The following CHIC1 variants were observed in gnomAD, a reference collection of about 807,000 sequenced individuals.
CHIC1 encodes the protein cysteine rich hydrophobic domain 1, also known as cysteine-rich hydrophobic domain-containing protein 1.
Under a neutral mutation model 18.5 loss-of-function variants are expected in CHIC1, and 7 were observed. The ratio of observed to expected loss-of-function variants is 0.38; its 90% CI spans 0.22 to 0.71. The LOEUF (loss-of-function observed/expected upper bound fraction) is 0.71. CHIC1 is among the 30% of genes least tolerant of loss of function. The pLI, the probability that CHIC1 is intolerant of heterozygous loss-of-function variation, is 0.49. For synonymous variants in CHIC1, 77 were observed against 73.5 expected (o/e 1.05, Z -0.25); for missense variants, 159 against 176.9 (o/e 0.90, Z 0.57).
At chrX:73,600,135 G>T (rs2057636272) in intron 3 of CHIC1, among the ~76,000 whole-genome samples, 1 of 100,492 alleles carries the variant, frequency 1.0e-5, no homozygotes, top group African/African-American at 4.0e-5. Flanking sequence ...CTCTCTGTTT[G>T]TCTGTTTTTG....
At chrX:73,577,795 C>G (rs751421965) in intron 2 of CHIC1, among the ~76,000 whole-genome samples, 1 of 109,913 alleles carries the variant, frequency 9.1e-6, no homozygotes, top group East Asian at 2.8e-4. Flanking sequence ...ATTTTTTTAA[C>G]TGTATCACTC....
rs2058097323 is a variant in CHIC1, at chrX:73,681,102, T to G, written c.*97T>G. 4 of 501,371 alleles carry G rather than the reference T, an allele frequency of 8.0e-6. No homozygotes were observed. Among genetic ancestry groups the G allele is most frequent in the Non-Finnish European group, 1.3e-5 (4 of 300,317 alleles). The allele number at this position is 501,371 out of a possible 1,213,427, so 41.3% of individuals were successfully genotyped here. A position where few individuals can be genotyped will look rare whatever the true frequency, so the allele number is the denominator to read the frequency against. ...GATGGTCTCCTTTGCTGTGTTCAAC[T>G]TATTCTTTATAATGGTAGAATATTC... On this transcript the variant is annotated 3_prime_UTR_variant, in exon 6 of 6. Coordinates refer to ENST00000373502, the MANE Select transcript of CHIC1 (RefSeq NM_001039840.4).
intron 3 of CHIC1, among the ~76,000 whole-genome samples, chrX:73,602,245 C>G (rs1174749629): frequency 1.8e-5 from 2 of 109,272 alleles, no homozygotes; most frequent in Non-Finnish European, 3.8e-5. Context: ...GATACCAAAG[C>G]TGGTTTCTGT....
At chrX:73,609,353 C>T (rs750501624) in intron 3 of CHIC1, among the ~76,000 whole-genome samples, 2 of 108,063 alleles carry the variant, frequency 1.9e-5, no homozygotes, top group South Asian at 7.7e-4. Flanking sequence ...CATGTATGGC[C>T]TTTATCATGT....
intron 2 of CHIC1, among the ~76,000 whole-genome samples, chrX:73,582,133 T>C: frequency 9.1e-6 from 1 of 110,117 alleles, no homozygotes; most frequent in Non-Finnish European, 1.9e-5. Context: ...TCTGTGTTTG[T>C]ACTTACTTTT....
At chrX:73,630,953 C>T (rs1233284917) in intron 3 of CHIC1, among the ~76,000 whole-genome samples, 4 of 111,217 alleles carry the variant, frequency 3.6e-5, no homozygotes, top group East Asian at 5.6e-4. Flanking sequence ...TGTTTCTTCA[C>T]GGTTAGTCTT....
rs1399934703 is a variant in CHIC1, at chrX:73,599,663, G to C, written c.507+15091G>C. Among the ~76,000 whole-genome samples, 10 of 102,390 alleles carry C rather than the reference G, an allele frequency of 9.8e-5. 2 individuals are homozygous for C. The highest frequency in any genetic ancestry group is 4.0e-4 in the African/African-American group (10 of 25,284). 88.9% of individuals were successfully genotyped at this position (102,390 alleles called of 115,157 possible). ...GTTGTAGATATGCGGCGTTATTTCTGAGGGCTCTGTTCTGTTCCATTGATC... is the reference window on the plus strand; with the variant it reads ...GTTGTAGATATGCGGCGTTATTTCTCAGGGCTCTGTTCTGTTCCATTGATC... On this transcript the variant is annotated intron_variant, in intron 3 of 5. Transcript: ENST00000373502.
At chrX:73,641,211 T>G (rs1401659613) in intron 3 of CHIC1, among the ~76,000 whole-genome samples, 1 of 111,296 alleles carries the variant, frequency 9.0e-6, no homozygotes. Flanking sequence ...AGATTGTGGT[T>G]GGTATGATTT....
In CHIC1 at chrX:73,584,379, G is replaced by C. The variant is rs377052785; in HGVS notation, c.352-38G>C. The C allele has an allele frequency of 4.1e-5, 46 of 1,112,519 alleles. No homozygotes were observed. The African/African-American group carries it at 7.5e-4, about 18-fold the overall frequency. 91.7% of individuals were successfully genotyped at this position (1,112,519 alleles called of 1,213,427 possible). A position where few individuals can be genotyped will look rare whatever the true frequency, so the allele number is the denominator to read the frequency against. ...TAGATTTAGAGATAAACAGTGAAAAGCTGCCCACAAACTGTTAAAGATTGT... is the reference window on the plus strand; with the variant it reads ...TAGATTTAGAGATAAACAGTGAAAACCTGCCCACAAACTGTTAAAGATTGT... On this transcript the variant is annotated intron_variant, in intron 2 of 5. Transcript: ENST00000373502.
chrX:73,586,774 C>G (rs747534080), intron 3 of CHIC1, among the ~76,000 whole-genome samples: 2 of 111,797 alleles, frequency 1.8e-5, no homozygotes, highest in Non-Finnish European at 3.8e-5. Context: ...ATGTTTCTTA[C>G]ATCAAATTGA....
chrX:73,671,059 T>G (rs183387899), intron 3 of CHIC1, among the ~76,000 whole-genome samples: 3 of 112,148 alleles, frequency 2.7e-5, no homozygotes, highest in Non-Finnish European at 5.6e-5. Context: ...TGATGTTTGT[T>G]TTTTAAGTGC....
intron 3 of CHIC1, among the ~76,000 whole-genome samples, chrX:73,598,191 G>A (rs768475479): frequency 1.8e-5 from 2 of 110,937 alleles, no homozygotes; most frequent in Admixed American, 9.6e-5. Context: ...TTGGGCAATT[G>A]CCACACTGTC....
At chrX:73,564,769 G>T (rs1275453531) in intron 1 of CHIC1, among the ~76,000 whole-genome samples, 1 of 100,668 alleles carries the variant, frequency 9.9e-6, no homozygotes, top group Non-Finnish European at 2.0e-5. Context: ...CCTTATATTA[G>T]CTTCAATTTT....
At chrX:73,668,493 T>A (rs1224221780) in intron 3 of CHIC1, among the ~76,000 whole-genome samples, 1 of 111,841 alleles carries the variant, frequency 8.9e-6, no homozygotes, top group Non-Finnish European at 1.9e-5. Flanking sequence ...CCTTGTGGGA[T>A]TATCTACCTT....
intron 3 of CHIC1, among the ~76,000 whole-genome samples, chrX:73,655,144 G>C (rs910801081): frequency 9.1e-6 from 1 of 109,739 alleles, no homozygotes; most frequent in Non-Finnish European, 1.9e-5. Flanking sequence ...TTATGAGTGA[G>C]AATGCGGGTA....
intron 3 of CHIC1, among the ~76,000 whole-genome samples, chrX:73,667,709 C>T (rs1197796791): frequency 9.0e-6 from 1 of 111,667 alleles, no homozygotes; most frequent in Non-Finnish European, 1.9e-5. Context: ...AGGTTTTTCA[C>T]TGAGAGGTCT....
chrX:73,620,674 CT>C (rs2057755672), intron 3 of CHIC1, among the ~76,000 whole-genome samples: 1 of 111,846 alleles, frequency 8.9e-6, no homozygotes, highest in African/African-American at 3.3e-5. Context: ...ATGATAGTTT[CT>C]TTTGCTGTGC....
intron 3 of CHIC1, among the ~76,000 whole-genome samples, chrX:73,655,430 G>GTGTATATATAAACATATATACACAATAT (rs2147612558): frequency 1.2e-5 from 1 of 85,009 alleles, no homozygotes; most frequent in Non-Finnish European, 2.2e-5. Flanking sequence ...TATATAGTGT[G>GTGTATATATAAACATATATACACAATAT]TGTATATATA....
chrX:73,615,402 G>A (rs993990939), intron 3 of CHIC1, among the ~76,000 whole-genome samples: 3 of 111,721 alleles, frequency 2.7e-5, no homozygotes, highest in East Asian at 2.8e-4. Context: ...GGTAGTGGAC[G>A]TGGCAAAGAC....
Sources: gnomAD v4.1 joint callset for allele counts (sites outside exome capture counted in the v4.1 genomes callset) on GRCh38, gnomAD v4.1.1 for gene constraint, MANE v1.5 for transcripts, NCBI Gene and HGNC (gene_info 2026-07-23, HGNC 2026-07-21) for gene names.